Variants in DEFB121 observed in about 807,000 individuals in gnomAD.
The protein encoded by DEFB121 is beta-defensin 121.
A neutral mutation model predicts 2.5 loss-of-function variants in DEFB121; 5 were observed. The ratio of observed to expected loss-of-function variants is 1.96; its 90% CI spans 1.03 to 4.13. The LOEUF (loss-of-function observed/expected upper bound fraction) is 4.13, where lower values mean the gene tolerates loss of function less well. DEFB121 is among the 30% of genes most tolerant of loss of function. The pLI, the probability that DEFB121 is intolerant of heterozygous loss-of-function variation, is 0.00. For synonymous variants in DEFB121, 39 were observed against 32.6 expected (o/e 1.20, Z -0.67); for missense variants, 87 against 85.0 (o/e 1.02, Z -0.09).
upstream of DEFB121, among the ~76,000 whole-genome samples, chr20:31,410,759 C>T (rs994760007): frequency 6.6e-6 from 1 of 151,354 alleles, no homozygotes; most frequent in Admixed American, 6.6e-5. Flanking sequence ...ACTTCCTCCA[C>T]TCTTGAGAAA....
exon 1 of DEFB121, chr20:31,412,814 C>A (rs1451063640): frequency 2.0e-5 from 10 of 508,376 alleles, no homozygotes; most frequent in Non-Finnish European, 3.3e-5. Context: ...GAGGGCTCAC[C>A]CAGAGTCGAG....
chr20:31,417,625 C>G (rs1307608272), upstream of DEFB121, among the ~76,000 whole-genome samples: 2 of 152,014 alleles, frequency 1.3e-5, no homozygotes. Context: ...TGACAGGGCC[C>G]ACCGAGTGCT....
rs868427094 is a variant in DEFB121, at chr20:31,406,175, G to A, written c.-23C>T. The A allele has an allele frequency of 1.2e-6, 2 of 1,613,736 alleles. No individual in the cohort carries two copies. The highest frequency in any genetic ancestry group is 2.7e-5 in the African/African-American group (2 of 74,924). ...CATGAATGATGAATGATCAGGGAGG[G>A]ATAGGAGGCTTCTCAACTGGTAAAA... On this transcript the variant is annotated 5_prime_UTR_variant, in exon 1 of 2. Transcript: ENST00000376314.
chr20:31,408,832 C>A (rs1237759309), upstream of DEFB121, among the ~76,000 whole-genome samples: 12 of 152,144 alleles, frequency 7.9e-5, no homozygotes, highest in Admixed American at 7.2e-4. Flanking sequence ...TCGAGACCAG[C>A]CTGGCCAACA....
chr20:31,412,192 A>G (rs1978682010), intron 1 of DEFB121, among the ~76,000 whole-genome samples: 1 of 152,236 alleles, frequency 6.6e-6, no homozygotes, highest in African/African-American at 2.4e-5. Context: ...ATGAAACTTC[A>G]GGCCCAAATA....
upstream of DEFB121, among the ~76,000 whole-genome samples, chr20:31,407,983 G>A (rs1376646309): frequency 6.6e-6 from 1 of 152,128 alleles, no homozygotes; most frequent in Non-Finnish European, 1.5e-5. Flanking sequence ...TCACCATGTT[G>A]GCCATGGCTT....
upstream of DEFB121, among the ~76,000 whole-genome samples, chr20:31,414,358 T>G (rs1978746307): frequency 6.6e-6 from 1 of 152,098 alleles, no homozygotes; most frequent in Admixed American, 6.5e-5. Context: ...TGGATATATA[T>G]CCAAATAAAC....
chr20:31,411,538 A>G (rs1469865916), intron 1 of DEFB121, among the ~76,000 whole-genome samples: 1 of 151,868 alleles, frequency 6.6e-6, no homozygotes, highest in Admixed American at 6.6e-5. Context: ...TGAAAAAAGA[A>G]AAGTAAAAAA....
upstream of DEFB121, among the ~76,000 whole-genome samples, chr20:31,417,525 C>A (rs1401942044): frequency 6.6e-6 from 1 of 151,938 alleles, no homozygotes; most frequent in Non-Finnish European, 1.5e-5. Context: ...AGACCAGAAA[C>A]AGGGAACAGG....
upstream of DEFB121, among the ~76,000 whole-genome samples, chr20:31,408,299 T>G (rs1226163127): frequency 6.6e-6 from 1 of 151,962 alleles, no homozygotes; most frequent in Non-Finnish European, 1.5e-5. Context: ...AAAAAAAGTT[T>G]TAAATAGCCG....
At chr20:31,407,593 T>G (rs557694303), upstream of DEFB121, among the ~76,000 whole-genome samples, 9 of 152,306 alleles carry the variant, frequency 5.9e-5, no homozygotes, top group East Asian at 1.7e-3. Flanking sequence ...GAAACAGAGC[T>G]GCCCCAGGCA....
upstream of DEFB121, among the ~76,000 whole-genome samples, chr20:31,411,082 T>TA (rs1462056124): frequency 6.6e-6 from 1 of 152,208 alleles, no homozygotes; most frequent in Non-Finnish European, 1.5e-5. Flanking sequence ...CTGAATCCAT[T>TA]ATGTGCATGA....
At chr20:31,417,499 C>A (rs1301697175), upstream of DEFB121, among the ~76,000 whole-genome samples, 1 of 151,966 alleles carries the variant, frequency 6.6e-6, no homozygotes, top group African/African-American at 2.4e-5. Context: ...AGGAGTCCAA[C>A]ATATGAAAAA....
upstream of DEFB121, among the ~76,000 whole-genome samples, chr20:31,416,112 G>T (rs1978798828): frequency 6.6e-6 from 1 of 152,048 alleles, no homozygotes; most frequent in East Asian, 1.9e-4. Context: ...ACAGGCTGGA[G>T]TTCAGTGGCA....
At chr20:31,413,520 G>A (rs561691996), upstream of DEFB121, among the ~76,000 whole-genome samples, 59 of 152,286 alleles carry the variant, frequency 3.9e-4, no homozygotes, top group African/African-American at 1.3e-3. Context: ...CATACATGCT[G>A]CATATCCACT....
At chr20:31,412,862 C>T (rs374684913), upstream of DEFB121, 32 of 317,916 alleles carry the variant, frequency 1.0e-4, no homozygotes, top group South Asian at 4.5e-4. Context: ...AGAGTGTATA[C>T]GATGTAACTC....
rs376481260 is a variant in DEFB121 at position 31,411,561 on chromosome 20, G to A, written n.217+1061C>T. ...GAAAAGTAAAAAAGAATGTATGAAC[G>A]CAGAGCAAAAAAAAAAAAGAAAGCG... On this transcript the variant is annotated intron_variant and non_coding_transcript_variant, in intron 1 of 1. Coordinates refer to the DEFB121 transcript ENST00000376312. Among the ~76,000 whole-genome samples, 49 of 141,616 alleles carry A rather than the reference G, an allele frequency of 3.5e-4. 1 individual carries two copies. Among genetic ancestry groups the A allele is most frequent in the African/African-American group, 1.3e-3 (46 of 35,990 alleles). 92.9% of individuals were successfully genotyped at this position (141,616 alleles called of 152,430 possible).
chr20:31,418,259 C>CAAAAAAAAAA, the DEFB121 span, among the ~76,000 whole-genome samples: 54 of 82,940 alleles, frequency 6.5e-4, no homozygotes, highest in South Asian at 2.9e-3. Context: ...GACTCCGTCT[C>CAAAAAAAAAA]AAAAAAAAAA....
chr20:31,408,511 G>A (rs1339947288), upstream of DEFB121, among the ~76,000 whole-genome samples: 1 of 135,738 alleles, frequency 7.4e-6, no homozygotes, highest in African/African-American at 3.0e-5. Context: ...TGCTCCGGAG[G>A]TCACTTTTTC....
Sources: gnomAD v4.1 joint callset for allele counts (sites outside exome capture counted in the v4.1 genomes callset) on GRCh38, gnomAD v4.1.1 for gene constraint, MANE v1.5 for transcripts, NCBI Gene and HGNC (gene_info 2026-07-23, HGNC 2026-07-21) for gene names.